ABCC11: variants seen among roughly 807,000 people sequenced by gnomAD.
ABCC11 encodes the protein ATP binding cassette subfamily C member 11, also known as ATP-binding cassette sub-family C member 11.
Under a neutral mutation model 149.3 loss-of-function variants are expected in ABCC11, and 135 were observed. The ratio of observed to expected loss-of-function variants is 0.90; its 90% CI spans 0.79 to 1.04. ABCC11 has a LOEUF of 1.04. Among genes scored for constraint, ABCC11 ranks in the 50% least tolerant of loss-of-function variants. ABCC11 has a pLI of 0.00. For synonymous variants in ABCC11, 665 were observed against 671.4 expected (o/e 0.99, Z 0.15); for missense variants, 1,680 against 1,722.1 (o/e 0.98, Z 0.43).
At chr16:48,225,775 C>T (rs542377314) in intron 4 of ABCC11, among the ~76,000 whole-genome samples, 27 of 152,286 alleles carry the variant, frequency 1.8e-4, no homozygotes, top group African/African-American at 5.5e-4. Flanking sequence ...CATTGCCTAG[C>T]GCCACCTCCA....
chr16:48,191,875 T>C (rs575643711), intron 20 of ABCC11, among the ~76,000 whole-genome samples: 1 of 152,138 alleles, frequency 6.6e-6, no homozygotes, highest in South Asian at 2.1e-4. Flanking sequence ...ATATACCTAA[T>C]GTTAAATGAC....
intron 1 of ABCC11, among the ~76,000 whole-genome samples, chr16:48,239,243 A>G (rs1192666840): frequency 1.3e-5 from 2 of 152,200 alleles, no homozygotes; most frequent in South Asian, 2.1e-4. Context: ...CTCAAGATGG[A>G]TTAAATGTAA....
rs554579754 is a variant in ABCC11 at position 48,166,504 on chromosome 16, C to A, written c.*770G>T. On this transcript the variant is annotated 3_prime_UTR_variant, in exon 30 of 30. Transcript: ENST00000356608. ...CTGTATCTTTCTGTTACAAGACCAA[C>A]AAACTCTTTTTTTTTTCCAAAGTTA... 1.3e-4 allele frequency among the ~76,000 whole-genome samples: 20 copies of A among 152,204 alleles called. No individual in the cohort carries two copies. Among genetic ancestry groups the A allele is most frequent in the Admixed American group, 8.5e-4 (13 of 15,284 alleles).
At chr16:48,167,801 G>A (rs1346379037) in intron 28 of ABCC11, 141 bp from the exon 29 acceptor site, 5 of 973,806 alleles carry the variant, frequency 5.1e-6, no homozygotes, top group Non-Finnish European at 6.1e-6. Context: ...GAATTATGCC[G>A]AGTGCAAAGC....
At chr16:48,234,904 C>T (rs1172272017) in intron 1 of ABCC11, among the ~76,000 whole-genome samples, 1 of 152,162 alleles carries the variant, frequency 6.6e-6, no homozygotes, top group Admixed American at 6.5e-5. Flanking sequence ...AGCCTAGGAG[C>T]AGAGGTCACT....
At chr16:48,234,630 C>G (rs577382926) in intron 1 of ABCC11, among the ~76,000 whole-genome samples, 5 of 152,256 alleles carry the variant, frequency 3.3e-5, no homozygotes, top group South Asian at 2.1e-4. Context: ...TAGATGGGAA[C>G]AAGAAGTTGC....
chr16:48,203,596 G>A (rs914845955), intron 13 of ABCC11, among the ~76,000 whole-genome samples: 12 of 152,082 alleles, frequency 7.9e-5, no homozygotes, highest in South Asian at 2.1e-4. Context: ...GGCCAGGCAC[G>A]GTGGCTCATG....
At chr16:48,240,812 A>G (rs1369015482) in intron 1 of ABCC11, among the ~76,000 whole-genome samples, 1 of 152,174 alleles carries the variant, frequency 6.6e-6, no homozygotes, top group Non-Finnish European at 1.5e-5. Context: ...ACTAATTACA[A>G]AGAGAAAAAT....
chr16:48,213,453 A>G lies in ABCC11; in HGVS notation c.1346T>C (p.Met449Thr). ...KGLTNSKSAV[M>T]RFKKFFLQES... Reference sequence around the variant, plus strand: ...CCCCTGATGACCTACCTTGAACCTCATCACTGCAGACTTGGAATTCGTGAG... The same window carrying G: ...CCCCTGATGACCTACCTTGAACCTCGTCACTGCAGACTTGGAATTCGTGAG... The change falls in exon 10 of 30, where the codon ATG (methionine) becomes ACG (threonine). Residue 449 changes from methionine (M) to threonine (T), a missense_variant. Physicochemically the swap from Met to Thr is moderately conservative, Grantham distance 81. Coordinates refer to ENST00000356608, the MANE Select transcript of ABCC11 (RefSeq NM_001370497.1). 1 of 1,612,290 alleles carries G rather than the reference A, an allele frequency of 6.2e-7. No homozygotes were observed. The highest frequency in any genetic ancestry group is 1.7e-4 in the Middle Eastern group (1 of 6,054).
intron 22 of ABCC11, among the ~76,000 whole-genome samples, chr16:48,185,143 T>G (rs1432009189): frequency 2.6e-5 from 4 of 152,150 alleles, no homozygotes; most frequent in Non-Finnish European, 5.9e-5. Flanking sequence ...GGATTAAGCC[T>G]CACTTTAAGC....
At chr16:48,175,540 C>A (rs368806170) in intron 25 of ABCC11, 123 bp from the exon 26 acceptor site, 4 of 1,191,400 alleles carry the variant, frequency 3.4e-6, no homozygotes, top group Non-Finnish European at 4.6e-6. Flanking sequence ...TCACTGTGAG[C>A]CCTGAAGGGG....
intron 9 of ABCC11, among the ~76,000 whole-genome samples, chr16:48,214,077 G>A (rs1311578386): frequency 6.6e-6 from 1 of 152,092 alleles, no homozygotes; most frequent in Non-Finnish European, 1.5e-5. Context: ...CCCAGAAGGT[G>A]CCCTCCTGGA....
At chr16:48,206,774 C>T (rs1264387644) in intron 12 of ABCC11, among the ~76,000 whole-genome samples, 1 of 152,168 alleles carries the variant, frequency 6.6e-6, no homozygotes, top group African/African-American at 2.4e-5. Context: ...CCCTGGCTCA[C>T]CCCTTACCTG....
At chr16:48,199,966 G>A (rs557014926) in intron 15 of ABCC11, among the ~76,000 whole-genome samples, 47 of 152,212 alleles carry the variant, frequency 3.1e-4, no homozygotes, top group African/African-American at 8.2e-4. Context: ...ATGAGCCACC[G>A]TGCTCGGCCT....
chr16:48,243,375 C>T (rs1971106897), intron 1 of ABCC11, among the ~76,000 whole-genome samples: 1 of 142,306 alleles, frequency 7.0e-6, no homozygotes, highest in African/African-American at 2.6e-5. Flanking sequence ...ACACTCCAGC[C>T]TGGGTGACAG....
At chr16:48,230,061 C>A (rs1970329093) in intron 3 of ABCC11, among the ~76,000 whole-genome samples, 1 of 152,214 alleles carries the variant, frequency 6.6e-6, no homozygotes, top group Admixed American at 6.5e-5. Flanking sequence ...GGTCCCTCAA[C>A]ACTCGCATAC....
At chr16:48,177,166 A>C in intron 24 of ABCC11, 53 bp from the exon 25 acceptor site, 2 of 1,546,650 alleles carry the variant, frequency 1.3e-6, no homozygotes, top group Non-Finnish European at 1.8e-6. Flanking sequence ...ATCTCGGCCC[A>C]TCCCCTGCGG....
chr16:48,215,393 T>C (rs558234098), intron 7 of ABCC11, 49 bp from the exon 8 acceptor site: 3 of 1,594,232 alleles, frequency 1.9e-6, no homozygotes, highest in African/African-American at 1.3e-5. Flanking sequence ...AGGGCTTCCT[T>C]TGACAAGGGC....
chr16:48,192,061 T>C lies in ABCC11; in HGVS notation c.2706+459A>G, dbSNP rs578180182. Reference sequence around the variant, plus strand: ...TACTTAGGAGGCCAATGTGGGAGGATTGCATTAGCCCAGGATTTTGAGACT... The same window carrying C: ...TACTTAGGAGGCCAATGTGGGAGGACTGCATTAGCCCAGGATTTTGAGACT... On this transcript the variant is annotated intron_variant, in intron 20 of 29. Coordinates refer to ENST00000356608, the MANE Select transcript of ABCC11 (RefSeq NM_001370497.1). Among the ~76,000 whole-genome samples the C allele has an allele frequency of 5.3e-5, 8 of 152,144 alleles. No individual in the cohort carries two copies. In the East Asian group the frequency reaches 5.8e-4, roughly 11 times the overall value.
Sources: gnomAD v4.1 joint callset for allele counts (sites outside exome capture counted in the v4.1 genomes callset) on GRCh38, gnomAD v4.1.1 for gene constraint, MANE v1.5 for transcripts, NCBI Gene and HGNC (gene_info 2026-07-23, HGNC 2026-07-21) for gene names.